Variants in CACNA1E observed in about 807,000 individuals in gnomAD.
CACNA1E encodes the protein voltage-dependent R-type calcium channel subunit alpha-1E.
Under a neutral mutation model 259.2 loss-of-function variants are expected in CACNA1E, and 40 were observed. The observed-to-expected ratio is 0.15, with a 90% CI of 0.12 to 0.20. The LOEUF (loss-of-function observed/expected upper bound fraction) is 0.20, where lower values mean the gene tolerates loss of function less well. CACNA1E is among the 10% of genes least tolerant of loss of function. The pLI is 1.00. For missense variants in CACNA1E, 1,874 were observed against 3,040.1 expected, an observed-to-expected ratio of 0.62 and a Z score of 9.02; for synonymous variants, 1,104 against 1,138.5, an observed-to-expected ratio of 0.97 and a Z score of 0.61.
intron 1 of CACNA1E, among the ~76,000 whole-genome samples, chr1:181,391,925 G>GTC (rs58946698): frequency 6.5e-4 from 96 of 147,836 alleles, no homozygotes; most frequent in East Asian, 1.2e-3. Context: ...CTCTCTCTCT[G>GTC]TCTCTCTCTC....
intron 1 of CACNA1E, among the ~76,000 whole-genome samples, chr1:181,366,503 T>C (rs1039881136): frequency 3.3e-5 from 5 of 152,156 alleles, no homozygotes; most frequent in African/African-American, 9.7e-5. Flanking sequence ...TATCCCTCTT[T>C]TTTTGCAACT....
chr1:181,563,996 A>C (rs1328180522), intron 3 of CACNA1E, among the ~76,000 whole-genome samples: 1 of 152,208 alleles, frequency 6.6e-6, no homozygotes, highest in Admixed American at 6.5e-5. Flanking sequence ...TATTGCTAAG[A>C]AATGCTCATG....
chr1:181,555,033 A>G (rs538774174), intron 3 of CACNA1E, among the ~76,000 whole-genome samples: 1 of 152,326 alleles, frequency 6.6e-6, no homozygotes, highest in Non-Finnish European at 1.5e-5. Context: ...TGAGATGCTC[A>G]TACAGGAGAA....
intron 3 of CACNA1E, among the ~76,000 whole-genome samples, chr1:181,533,947 T>C (rs1667966455): frequency 6.6e-6 from 1 of 152,146 alleles, no homozygotes; most frequent in Admixed American, 6.5e-5. Flanking sequence ...AAAATCATGT[T>C]GGTAGATTTT....
At chr1:181,682,985 C>T (rs1650133917) in intron 7 of CACNA1E, among the ~76,000 whole-genome samples, 1 of 152,214 alleles carries the variant, frequency 6.6e-6, no homozygotes, top group Admixed American at 6.5e-5. Flanking sequence ...TTGATCTCTA[C>T]TTGTCCTTTA....
intron 21 of CACNA1E, 80 bp downstream of exon 21, chr1:181,733,830 G>A: frequency 9.4e-7 from 1 of 1,066,226 alleles, no homozygotes; most frequent in Non-Finnish European, 1.3e-6. Flanking sequence ...AAAGCCACAT[G>A]GAAAGCACCA....
chr1:181,780,753 A>G (rs1660353370), intron 38 of CACNA1E, among the ~76,000 whole-genome samples: 3 of 152,192 alleles, frequency 2.0e-5, no homozygotes, highest in Admixed American at 1.3e-4. Flanking sequence ...ATGCTGGGGA[A>G]TAAAGAGCAG....
chr1:181,637,099 G>T (rs751928528), intron 6 of CACNA1E, among the ~76,000 whole-genome samples: 3 of 152,210 alleles, frequency 2.0e-5, no homozygotes, highest in African/African-American at 4.8e-5. Context: ...GTTGAGTCAG[G>T]TCTCTCTTTT....
chr1:181,351,296 G>A (rs1277870963), intron 1 of CACNA1E, among the ~76,000 whole-genome samples: 1 of 152,188 alleles, frequency 6.6e-6, no homozygotes, highest in Non-Finnish European at 1.5e-5. Flanking sequence ...ATCTAGGGCT[G>A]TAGCCCCACG....
rs542517656 is a variant in CACNA1E, at chr1:181,620,606, G to A, written c.952-30732G>A. Reference sequence around the variant, plus strand: ...CCAAATGGATTGTGCTATACTCATGGCATTATGGTTGGTAATGGAGGTGCA... The same window carrying A: ...CCAAATGGATTGTGCTATACTCATGACATTATGGTTGGTAATGGAGGTGCA... On this transcript the variant is annotated intron_variant, in intron 6 of 47. Transcript: ENST00000367573. Among the ~76,000 whole-genome samples the A allele has an allele frequency of 2.0e-5, 3 of 152,332 alleles. No homozygotes were observed. In the South Asian group the frequency reaches 6.2e-4, roughly 32 times the overall value.
At chr1:181,495,058 A>G (rs1342227617) in intron 1 of CACNA1E, among the ~76,000 whole-genome samples, 1 of 152,230 alleles carries the variant, frequency 6.6e-6, no homozygotes, top group Non-Finnish European at 1.5e-5. Flanking sequence ...TATTTTAAGC[A>G]GGAGGTAGCA....
At chr1:181,697,331 A>T (rs1460137143) in intron 7 of CACNA1E, among the ~76,000 whole-genome samples, 1 of 152,212 alleles carries the variant, frequency 6.6e-6, no homozygotes. Context: ...CAGTACTTAG[A>T]TGTATGATCT....
chr1:181,525,802 A>G (rs1022742692), intron 3 of CACNA1E, among the ~76,000 whole-genome samples: 1 of 152,196 alleles, frequency 6.6e-6, no homozygotes, highest in African/African-American at 2.4e-5. Context: ...GTGGCCATAG[A>G]TTGGAGTGGT....
chr1:181,506,512 T>C (rs989243165), intron 1 of CACNA1E, among the ~76,000 whole-genome samples: 13 of 152,214 alleles, frequency 8.5e-5, no homozygotes, highest in African/African-American at 3.1e-4. Context: ...TCCTACTATA[T>C]ACCATGGGCT....
At chr1:181,363,973 G>A (rs1282160977) in intron 1 of CACNA1E, among the ~76,000 whole-genome samples, 1 of 152,176 alleles carries the variant, frequency 6.6e-6, no homozygotes, top group Non-Finnish European at 1.5e-5. Flanking sequence ...TTCCTGAGGA[G>A]GTGACTGGCA....
At chr1:181,688,063 T>A (rs1452413768) in intron 7 of CACNA1E, among the ~76,000 whole-genome samples, 1 of 152,180 alleles carries the variant, frequency 6.6e-6, no homozygotes, top group African/African-American at 2.4e-5. Context: ...TACATATGGT[T>A]TGTTCCATAT....
intron 2 of CACNA1E, among the ~76,000 whole-genome samples, chr1:181,444,316 GGACT>G (rs1660673780): frequency 6.8e-6 from 1 of 147,780 alleles, no homozygotes; most frequent in Non-Finnish European, 1.5e-5. Flanking sequence ...AGGCTAAGGT[GGACT>G]GTGCTATTAA....
intron 1 of CACNA1E, among the ~76,000 whole-genome samples, chr1:181,498,050 C>T (rs537749839): frequency 2.0e-5 from 3 of 152,304 alleles, no homozygotes; most frequent in Admixed American, 1.3e-4. Context: ...GTTCCCCTTT[C>T]AATATTAGCA....
chr1:181,790,485 C>T lies in CACNA1E; in HGVS notation c.5827C>T (p.Pro1943Ser), dbSNP rs549170593. ...SGYPSMSPLS[P>S]QDIFQLACMD... ...ATACCCTTCGATGAGTCCACTCTCTCCCCAGGATATATTCCAGTTGGCTTG... is the reference window on the plus strand; with the variant it reads ...ATACCCTTCGATGAGTCCACTCTCTTCCCAGGATATATTCCAGTTGGCTTG... The change falls in exon 44 of 48, where the codon CCC becomes TCC. Residue 1943 changes from proline (P) to serine (S), a missense_variant. Coordinates refer to ENST00000367573, the MANE Select transcript of CACNA1E (RefSeq NM_001205293.3). 25 of 1,613,470 alleles carry T rather than the reference C, an allele frequency of 1.5e-5. No individual in the cohort carries two copies. The highest frequency in any genetic ancestry group is 2.0e-5 in the Non-Finnish European group (24 of 1,179,460).
Sources: gnomAD v4.1 joint callset for allele counts (sites outside exome capture counted in the v4.1 genomes callset) on GRCh38, gnomAD v4.1.1 for gene constraint, MANE v1.5 for transcripts, NCBI Gene and HGNC (gene_info 2026-07-23, HGNC 2026-07-21) for gene names.